The following GRID2 variants were observed in gnomAD, a reference collection of about 807,000 sequenced individuals.
GRID2 encodes glutamate receptor ionotropic, delta-2.
A neutral mutation model predicts 114.8 loss-of-function variants in GRID2; 33 were observed. The ratio of observed to expected loss-of-function variants is 0.29; its 90% CI spans 0.22 to 0.38. The LOEUF (loss-of-function observed/expected upper bound fraction) is 0.38, where lower values mean the gene tolerates loss of function less well. GRID2 is among the 10% of genes least tolerant of loss of function. The probability of loss-of-function intolerance (pLI) is 1.00; values close to 1 mark genes in which losing one functional copy is unlikely to be tolerated. For missense variants in GRID2, 1,184 were observed against 1,257.7 expected, an observed-to-expected ratio of 0.94 and a Z score of 0.89; for synonymous variants, 505 against 449.9, an observed-to-expected ratio of 1.12 and a Z score of -1.55.
At chr4:92,585,069 C>G (rs960721872) in intron 1 of GRID2, among the ~76,000 whole-genome samples, 21 of 152,058 alleles carry the variant, frequency 1.4e-4, no homozygotes, top group Admixed American at 7.9e-4. Context: ...TATTTGGCCA[C>G]TAAATAATTT....
chr4:93,077,681 A>G (rs1033850335), intron 2 of GRID2, among the ~76,000 whole-genome samples: 2 of 152,216 alleles, frequency 1.3e-5, no homozygotes, highest in Non-Finnish European at 2.9e-5. Flanking sequence ...ATGACCAAAT[A>G]TGACATTCTG....
chr4:93,420,092 A>G (rs1768117120), intron 9 of GRID2, among the ~76,000 whole-genome samples: 1 of 152,072 alleles, frequency 6.6e-6, no homozygotes, highest in African/African-American at 2.4e-5. Context: ...ATGACTTCCA[A>G]ATATTGGTAG....
rs76067471 is a variant in GRID2 at position 93,668,089 on chromosome 4, T to C, written c.2360+41654T>C. ...AAACCTGAGACACAATGACTTGTTA[T>C]GCATTAGCTATGGCCAACAATAGCT... On this transcript the variant is annotated intron_variant, in intron 14 of 15. Transcript: ENST00000282020. 5.2e-3 allele frequency among the ~76,000 whole-genome samples: 788 copies of C among 152,184 alleles called. 9 individuals carry two copies. The highest frequency in any genetic ancestry group is 0.017 in the African/African-American group (701 of 41,568).
At chr4:93,102,718 G>T (rs1305498448) in intron 3 of GRID2, among the ~76,000 whole-genome samples, 1 of 151,266 alleles carries the variant, frequency 6.6e-6, no homozygotes, top group Admixed American at 6.6e-5. Flanking sequence ...TAAAGGAAAA[G>T]AAATATTGGG....
intron 11 of GRID2, among the ~76,000 whole-genome samples, chr4:93,485,624 G>A (rs1413924110): frequency 6.6e-6 from 1 of 151,652 alleles, no homozygotes; most frequent in East Asian, 1.9e-4. Flanking sequence ...ACTACTTAAT[G>A]AAAAGACCTC....
At chr4:93,290,251 T>G (rs192965999) in intron 8 of GRID2, among the ~76,000 whole-genome samples, 1 of 152,320 alleles carries the variant, frequency 6.6e-6, no homozygotes, top group East Asian at 1.9e-4. Flanking sequence ...TAGGAGCAAT[T>G]CTGTGCCATG....
intron 2 of GRID2, among the ~76,000 whole-genome samples, chr4:93,049,148 G>T (rs948718211): frequency 6.6e-6 from 1 of 151,992 alleles, no homozygotes. Context: ...ATTATAGAAT[G>T]ATATGTTTCT....
intron 1 of GRID2, among the ~76,000 whole-genome samples, chr4:92,389,187 T>TA (rs34421698): frequency 0.36 from 54,820 of 151,800 alleles, 10,627 homozygotes; most frequent in East Asian, 0.71. Flanking sequence ...TCCACAGTAC[T>TA]CTTTATGGCC....
chr4:92,587,911 G>C (rs1005213815), intron 1 of GRID2, among the ~76,000 whole-genome samples: 1 of 152,096 alleles, frequency 6.6e-6, no homozygotes, highest in African/African-American at 2.4e-5. Context: ...TTGATAAGAA[G>C]CCCTTTTTTA....
intron 2 of GRID2, among the ~76,000 whole-genome samples, chr4:92,656,465 G>C (rs1197712068): frequency 1.4e-5 from 2 of 141,886 alleles, no homozygotes; most frequent in East Asian, 4.4e-4. Context: ...CACCATGAAA[G>C]AAAAATTAAA....
At chr4:93,124,029 C>T (rs887264406) in intron 4 of GRID2, among the ~76,000 whole-genome samples, 2 of 149,346 alleles carry the variant, frequency 1.3e-5, no homozygotes, top group Non-Finnish European at 3.0e-5. Context: ...GTGGGTGCAG[C>T]GCACCAGCAT....
intron 2 of GRID2, among the ~76,000 whole-genome samples, chr4:92,957,948 C>A (rs1395648878): frequency 6.6e-6 from 1 of 151,950 alleles, no homozygotes; most frequent in Non-Finnish European, 1.5e-5. Context: ...TCAGATTCCT[C>A]TTGTTCATTC....
At chr4:93,150,498 G>C (rs1252610484) in intron 4 of GRID2, among the ~76,000 whole-genome samples, 1 of 152,062 alleles carries the variant, frequency 6.6e-6, no homozygotes, top group Non-Finnish European at 1.5e-5. Flanking sequence ...TTGCTTATAA[G>C]TGCTCACTGT....
intron 3 of GRID2, among the ~76,000 whole-genome samples, chr4:93,109,960 G>A (rs905492516): frequency 6.6e-5 from 10 of 150,848 alleles, no homozygotes; most frequent in African/African-American, 2.5e-4. Context: ...GTGGACACTG[G>A]ACATTTTAAT....
At chr4:93,552,083 T>C (rs1733814922) in intron 13 of GRID2, among the ~76,000 whole-genome samples, 1 of 137,748 alleles carries the variant, frequency 7.3e-6, no homozygotes, top group Non-Finnish European at 1.5e-5. Context: ...CCTGTGTCCA[T>C]GTGTTCTCTT....
At chr4:92,802,028 T>C (rs1157351668) in intron 2 of GRID2, among the ~76,000 whole-genome samples, 2 of 151,928 alleles carry the variant, frequency 1.3e-5, no homozygotes, top group African/African-American at 4.8e-5. Flanking sequence ...ATCGGATGAT[T>C]TTTAAATTTT....
At chr4:92,457,934 A>T (rs1296062245) in intron 1 of GRID2, among the ~76,000 whole-genome samples, 1 of 152,134 alleles carries the variant, frequency 6.6e-6, no homozygotes, top group East Asian at 1.9e-4. Context: ...TGCCATTGTA[A>T]ATTTTTTTGC....
intron 13 of GRID2, among the ~76,000 whole-genome samples, chr4:93,619,334 A>T (rs1299784307): frequency 6.6e-6 from 1 of 152,230 alleles, no homozygotes; most frequent in African/African-American, 2.4e-5. Context: ...GCTACCGCCC[A>T]GAACCATGTG....
At chr4:92,786,188 G>C (rs1019104340) in intron 2 of GRID2, among the ~76,000 whole-genome samples, 1 of 151,640 alleles carries the variant, frequency 6.6e-6, no homozygotes, top group Non-Finnish European at 1.5e-5. Flanking sequence ...GTATCTGTTG[G>C]CTTCCTGTCT....
Sources: allele counts gnomAD v4.1 joint callset (sites outside exome capture counted in the v4.1 genomes callset), GRCh38; gene constraint gnomAD v4.1.1; transcripts MANE v1.5; gene names NCBI Gene and HGNC (gene_info 2026-07-23, HGNC 2026-07-21).